Variants in YTHDC2 observed in about 807,000 individuals in gnomAD.
YTHDC2 encodes YTH N6-methyladenosine RNA binding protein C2, also known as 3'-5' RNA helicase YTHDC2.
YTHDC2 carries 45 observed loss-of-function variants against 174.9 expected under a neutral mutation model. The ratio of observed to expected loss-of-function variants is 0.26; its 90% CI spans 0.20 to 0.33. The LOEUF (loss-of-function observed/expected upper bound fraction) is 0.33. YTHDC2 is among the 10% of genes least tolerant of loss of function. The probability of loss-of-function intolerance (pLI) is 1.00; values close to 1 mark genes in which losing one functional copy is unlikely to be tolerated. For missense variants in YTHDC2, 1,650 were observed against 1,723.7 expected (o/e 0.96, Z 0.76); for synonymous variants, 657 against 574.5 (o/e 1.14, Z -2.05).
chr5:113,584,200 G>T, intron 25 of YTHDC2, 102 bp from the exon 26 acceptor site: 1 of 930,464 alleles, frequency 1.1e-6, no homozygotes, highest in Non-Finnish European at 1.6e-6. Flanking sequence ...TGGGACTTTG[G>T]ATTGAAATGG....
chr5:113,513,997 G>C lies in YTHDC2; in HGVS notation c.102G>C (p.Lys34Asn), dbSNP rs1773212788. The stretch of plus-strand genomic sequence containing the variant: ...GCCCTGGGGGCGGCGGCCGGGCCAA[G>C]GGGCTGAAGGACATTCGCATTGATG... ...PCGPGGGGRAKGLKDIRIDEE... is the reference protein window; with the variant it reads ...PCGPGGGGRANGLKDIRIDEE... Residue 34 changes from lysine (K) to asparagine (N), a missense_variant, in exon 1 of 30, where the codon AAG becomes AAC. Physicochemically the swap from Lys to Asn is moderately conservative, Grantham distance 94. Around this residue, in one of 5 missense-constraint regions of YTHDC2, gnomAD observed 304 missense variants for 341.4 expected, o/e 0.89. Transcript: ENST00000161863. The C allele has an allele frequency of 6.2e-7, 1 of 1,607,104 alleles. No homozygotes were observed. Among genetic ancestry groups the C allele is most frequent in the Non-Finnish European group, 8.5e-7 (1 of 1,177,556 alleles).
chr5:113,584,502 G>A (rs762106780), intron 26 of YTHDC2, 23 bp downstream of exon 26: 2 of 1,575,418 alleles, frequency 1.3e-6, no homozygotes, highest in African/African-American at 1.4e-5. Flanking sequence ...GAAAGAAAAT[G>A]TAGTAAGGAA....
intron 17 of YTHDC2, among the ~76,000 whole-genome samples, chr5:113,557,264 A>G (rs1302202387): frequency 6.6e-6 from 1 of 152,196 alleles, no homozygotes; most frequent in Non-Finnish European, 1.5e-5. Flanking sequence ...GATAACATTA[A>G]AAAGTATCAT....
At chr5:113,553,713 G>A (rs758171408) in intron 14 of YTHDC2, 27 bp downstream of exon 14, 2 of 1,612,824 alleles carry the variant, frequency 1.2e-6, no homozygotes, top group East Asian at 2.2e-5. Flanking sequence ...TATATCTGTT[G>A]CTTAAAATAA....
chr5:113,558,313 G>T (rs1776744750), intron 17 of YTHDC2, among the ~76,000 whole-genome samples: 1 of 152,212 alleles, frequency 6.6e-6, no homozygotes, highest in African/African-American at 2.4e-5. Flanking sequence ...GCTCTCTGAA[G>T]AATGGATTGG....
chr5:113,540,111 C>T (rs1047174613), intron 8 of YTHDC2, among the ~76,000 whole-genome samples: 1 of 152,146 alleles, frequency 6.6e-6, no homozygotes. Flanking sequence ...TGGTCTTGAA[C>T]TCCTGGCCTC....
chr5:113,572,463 T>C (rs1332921672), intron 23 of YTHDC2, among the ~76,000 whole-genome samples: 1 of 152,276 alleles, frequency 6.6e-6, no homozygotes, highest in African/African-American at 2.4e-5. Context: ...TAGAGAGTTC[T>C]GTAGATATCT....
chr5:113,579,673 T>A lies in YTHDC2; in HGVS notation c.3332T>A (p.Leu1111His). 6.2e-7 allele frequency: 1 copy of A among 1,608,534 alleles called. No individual in the cohort carries two copies. Among genetic ancestry groups the A allele is most frequent in the Non-Finnish European group, 8.5e-7 (1 of 1,177,102 alleles). The change falls in exon 24 of 30, where the codon CTC (leucine) becomes CAC (histidine). Residue 1111 changes from leucine to histidine, a missense_variant. Physicochemically the swap from Leu to His is moderately conservative, Grantham distance 99. Transcript: ENST00000161863. ...NLAALKLDEW[L>H]HFTLEPEAAS... Reference sequence around the variant, plus strand: ...GCAGCCTTGAAACTTGATGAGTGGCTCCATTTCACACTGGAGCCAGAGGTA... The same window carrying A: ...GCAGCCTTGAAACTTGATGAGTGGCACCATTTCACACTGGAGCCAGAGGTA...
chr5:113,593,179 C>T, intron 28 of YTHDC2, 124 bp from the exon 29 acceptor site: 2 of 648,838 alleles, frequency 3.1e-6, no homozygotes, highest in Admixed American at 5.2e-5. Context: ...ATGATTTTAG[C>T]ATACGCTGGT....
rs1411167090 is a variant in YTHDC2, at chr5:113,563,981, C to T, written c.2565C>T (p.Asp855=). The T allele has an allele frequency of 1.9e-6, 3 of 1,614,094 alleles. No individual in the cohort carries two copies. The highest frequency in any genetic ancestry group is 1.3e-5 in the African/African-American group (1 of 75,018). The part of the protein sequence containing the change: ...VLCAVVLKCL[D]PILTIACTLA... Reference sequence around the variant, plus strand: ...GTGCTGTTGTTTTAAAGTGTCTGGACCCCATCCTTACAATTGCTTGCACAC... The same window carrying T: ...GTGCTGTTGTTTTAAAGTGTCTGGATCCCATCCTTACAATTGCTTGCACAC... The change falls in exon 20 of 30, where the codon GAC becomes GAT. Residue 855 remains aspartate, a synonymous_variant. Coordinates refer to ENST00000161863, the MANE Select transcript of YTHDC2 (RefSeq NM_022828.5).
intron 20 of YTHDC2, among the ~76,000 whole-genome samples, chr5:113,565,400 TTA>T (rs757342633): frequency 5.9e-5 from 9 of 152,166 alleles, no homozygotes; most frequent in Non-Finnish European, 1.3e-4. Flanking sequence ...AGTCTTTTAG[TTA>T]TATATATACC....
intron 22 of YTHDC2, among the ~76,000 whole-genome samples, 171 bp downstream of exon 22, chr5:113,567,468 A>T (rs573785753): frequency 4.8e-4 from 72 of 149,560 alleles, no homozygotes; most frequent in South Asian, 1.0e-3. Flanking sequence ...TTAGAGTTGG[A>T]AAAGGTAACA....
chr5:113,535,829 T>C, intron 7 of YTHDC2, 31 bp downstream of exon 7: 1 of 1,521,522 alleles, frequency 6.6e-7, no homozygotes, highest in East Asian at 2.3e-5. Context: ...TCTTCTATAA[T>C]TTTTATGAAA....
chr5:113,552,781 A>G (rs528213246), intron 12 of YTHDC2, among the ~76,000 whole-genome samples: 3 of 152,200 alleles, frequency 2.0e-5, no homozygotes, highest in East Asian at 1.9e-4. Context: ...TCCACCAGCA[A>G]TGCATGAGGG....
intron 20 of YTHDC2, 171 bp from the exon 21 acceptor site, chr5:113,565,722 G>T (rs570839356): frequency 9.9e-6 from 6 of 608,248 alleles, no homozygotes; most frequent in African/African-American, 5.8e-5. Flanking sequence ...TAGCATTTGA[G>T]TATAAATTAA....
intron 23 of YTHDC2, among the ~76,000 whole-genome samples, chr5:113,574,947 T>C (rs751459057): frequency 1.3e-5 from 2 of 152,216 alleles, no homozygotes; most frequent in Non-Finnish European, 2.9e-5. Context: ...AGGGGTCATA[T>C]AATCACTCAC....
intron 26 of YTHDC2, among the ~76,000 whole-genome samples, chr5:113,589,395 T>TTAA (rs1180109303): frequency 8.7e-6 from 1 of 114,488 alleles, no homozygotes; most frequent in South Asian, 3.0e-4. Flanking sequence ...TTTTAAAAAT[T>TTAA]AAAAAAAAAA....
At chr5:113,557,138 GA>G (rs1776661867) in intron 17 of YTHDC2, among the ~76,000 whole-genome samples, 1 of 152,120 alleles carries the variant, frequency 6.6e-6, no homozygotes, top group African/African-American at 2.4e-5. Context: ...AACAATGAAT[GA>G]TTGTTAACTC....
At chr5:113,529,333 C>G (rs941428667) in intron 4 of YTHDC2, among the ~76,000 whole-genome samples, 1 of 152,080 alleles carries the variant, frequency 6.6e-6, no homozygotes, top group Non-Finnish European at 1.5e-5. Flanking sequence ...TTATATTGTA[C>G]TTACTTGTAT....
Sources: allele counts gnomAD v4.1 joint callset (sites outside exome capture counted in the v4.1 genomes callset), GRCh38; gene constraint gnomAD v4.1.1; regional missense constraint gnomAD v4.1.1; transcripts MANE v1.5; gene names NCBI Gene and HGNC (gene_info 2026-07-23, HGNC 2026-07-21).